MALRD1: variants seen among roughly 807,000 people sequenced by gnomAD.
The protein encoded by MALRD1 is MAM and LDL-receptor class A domain-containing protein 1.
Under a neutral mutation model 242.1 loss-of-function variants are expected in MALRD1, and 247 were observed. The ratio of observed to expected loss-of-function variants is 1.02; its 90% CI spans 0.92 to 1.13. The LOEUF (loss-of-function observed/expected upper bound fraction) is 1.13, where lower values mean the gene tolerates loss of function less well. Among genes scored for constraint, MALRD1 ranks in the 50% most tolerant of loss-of-function variants. The probability of loss-of-function intolerance (pLI) is 0.00; values close to 1 mark genes in which losing one functional copy is unlikely to be tolerated. For missense variants in MALRD1, 2,989 were observed against 2,533.1 expected (o/e 1.18, Z -3.86); for synonymous variants, 995 against 866.6 (o/e 1.15, Z -2.60).
chr10:19,702,649 G>A (rs1349736555), intron 38 of MALRD1, among the ~76,000 whole-genome samples: 1 of 152,082 alleles, frequency 6.6e-6, no homozygotes, highest in Non-Finnish European at 1.5e-5. Context: ...TCCACATAAT[G>A]ATATTACAAG....
chr10:19,219,840 A>G (rs1170086064), intron 18 of MALRD1, among the ~76,000 whole-genome samples: 4 of 152,058 alleles, frequency 2.6e-5, no homozygotes, highest in African/African-American at 7.2e-5. Flanking sequence ...CTACATGCTA[A>G]TATTATGGGA....
Position 19,531,276 on chromosome 10 carries a change from C to G in MALRD1, c.5403C>G (p.Phe1801Leu). The G allele has an allele frequency of 6.4e-7, 1 of 1,550,392 alleles. No homozygotes were observed. The highest frequency in any genetic ancestry group is 8.7e-7 in the Non-Finnish European group (1 of 1,146,876). The part of the protein sequence containing the change: ...SVARITTSKS[F>L]PASLGMCTVR... ...CCAGAATTACTACTTCCAAATCCTT[C>G]CCAGCAAGCCTTGGAATGTGTACTG... The change falls in exon 32 of 40, where the codon TTC becomes TTG. Residue 1801 changes from phenylalanine (F) to leucine (L), a missense_variant. Coordinates refer to ENST00000454679, the MANE Select transcript of MALRD1 (RefSeq NM_001142308.3).
intron 26 of MALRD1, among the ~76,000 whole-genome samples, chr10:19,385,279 A>G (rs1846027873): frequency 6.6e-6 from 1 of 151,966 alleles, no homozygotes; most frequent in Non-Finnish European, 1.5e-5. Flanking sequence ...GAATTAGGAA[A>G]TGTTCTCTTC....
At chr10:19,353,585 C>T (rs1844492873) in intron 26 of MALRD1, among the ~76,000 whole-genome samples, 1 of 152,112 alleles carries the variant, frequency 6.6e-6, no homozygotes, top group Non-Finnish European at 1.5e-5. Context: ...CTTTGCCTGA[C>T]AGGCTTCTAA....
intron 18 of MALRD1, among the ~76,000 whole-genome samples, chr10:19,241,860 A>G (rs1161462780): frequency 6.6e-6 from 1 of 152,086 alleles, no homozygotes; most frequent in Non-Finnish European, 1.5e-5. Context: ...TTTTTATAAA[A>G]TTTCCAAGGG....
chr10:19,464,495 G>A (rs986686054), intron 29 of MALRD1, among the ~76,000 whole-genome samples: 4 of 152,080 alleles, frequency 2.6e-5, no homozygotes, highest in African/African-American at 9.7e-5. Context: ...GTTTTTGCTT[G>A]CTTTGTCAAA....
intron 22 of MALRD1, among the ~76,000 whole-genome samples, chr10:19,326,288 T>C (rs902059285): frequency 6.6e-6 from 1 of 152,130 alleles, no homozygotes; most frequent in African/African-American, 2.4e-5. Flanking sequence ...AGATTGATGA[T>C]GTGAAATATG....
At chr10:19,453,447 T>C (rs937823630) in intron 29 of MALRD1, among the ~76,000 whole-genome samples, 2 of 152,216 alleles carry the variant, frequency 1.3e-5, no homozygotes, top group African/African-American at 4.8e-5. Flanking sequence ...ATAGTGATCA[T>C]TGTACAACTT....
At chr10:19,571,773 A>G (rs1249323072) in intron 33 of MALRD1, among the ~76,000 whole-genome samples, 1 of 152,164 alleles carries the variant, frequency 6.6e-6, no homozygotes, top group African/African-American at 2.4e-5. Context: ...TAAAACTACT[A>G]GCTTTGTTTG....
intron 5 of MALRD1, among the ~76,000 whole-genome samples, chr10:19,107,097 T>C (rs1006704675): frequency 2.0e-5 from 3 of 152,000 alleles, no homozygotes; most frequent in Non-Finnish European, 4.4e-5. Flanking sequence ...AAAATGTGTA[T>C]TTTGTAATTA....
intron 32 of MALRD1, among the ~76,000 whole-genome samples, chr10:19,542,581 A>G (rs1437345764): frequency 6.6e-6 from 1 of 152,028 alleles, no homozygotes; most frequent in African/African-American, 2.4e-5. Flanking sequence ...CATTGATATA[A>G]TTCTTTGTCC....
intron 28 of MALRD1, among the ~76,000 whole-genome samples, chr10:19,423,992 A>C (rs1346471826): frequency 6.6e-6 from 1 of 152,210 alleles, no homozygotes; most frequent in Non-Finnish European, 1.5e-5. Context: ...ATATCAATGC[A>C]ACCTTAGAGA....
intron 18 of MALRD1, among the ~76,000 whole-genome samples, chr10:19,237,598 A>G (rs1362272246): frequency 2.7e-4 from 2 of 7,316 alleles, no homozygotes; most frequent in Admixed American, 1.2e-3. Context: ...ATAATTATAT[A>G]ATTATAATTA....
At chr10:19,434,586 A>G (rs1255970583) in intron 28 of MALRD1, among the ~76,000 whole-genome samples, 2 of 151,980 alleles carry the variant, frequency 1.3e-5, no homozygotes, top group Non-Finnish European at 2.9e-5. Context: ...AATTATATAT[A>G]TTAATCTAGA....
chr10:19,343,989 C>T (rs1310976012), intron 24 of MALRD1, among the ~76,000 whole-genome samples: 5 of 152,022 alleles, frequency 3.3e-5, no homozygotes, highest in African/African-American at 1.2e-4. Flanking sequence ...ATCTCTTTTG[C>T]CCATTCTCTA....
chr10:19,725,565 G>A (rs1322805570), intron 38 of MALRD1, among the ~76,000 whole-genome samples: 2 of 152,066 alleles, frequency 1.3e-5, no homozygotes, highest in Non-Finnish European at 2.9e-5. Flanking sequence ...AATCTCTATC[G>A]AAAATTCCAA....
chr10:19,336,901 T>C (rs1843638120), intron 24 of MALRD1, among the ~76,000 whole-genome samples: 1 of 152,114 alleles, frequency 6.6e-6, no homozygotes, highest in Non-Finnish European at 1.5e-5. Context: ...ACTATTTAAT[T>C]AATATATATT....
chr10:19,651,598 A>C (rs777682778), intron 36 of MALRD1, among the ~76,000 whole-genome samples: 1 of 152,208 alleles, frequency 6.6e-6, no homozygotes, highest in Non-Finnish European at 1.5e-5. Flanking sequence ...ATTATGTACA[A>C]GGACCTGGGA....
chr10:19,175,541 T>C (rs1835196189), intron 14 of MALRD1, among the ~76,000 whole-genome samples: 1 of 150,274 alleles, frequency 6.7e-6, no homozygotes, highest in Non-Finnish European at 1.5e-5. Flanking sequence ...ATATGGAAAA[T>C]ATTCTATGCT....
Sources: allele counts gnomAD v4.1 joint callset (sites outside exome capture counted in the v4.1 genomes callset), GRCh38; gene constraint gnomAD v4.1.1; transcripts MANE v1.5; gene names NCBI Gene and HGNC (gene_info 2026-07-23, HGNC 2026-07-21).